EHF: variants seen among roughly 807,000 people sequenced by gnomAD.
EHF encodes the protein ESE3 transcription factor.
In EHF, 14 loss-of-function variants were observed where a neutral mutation model predicts 45.1. The observed-to-expected ratio is 0.31, with a 90% CI of 0.21 to 0.49. The LOEUF (loss-of-function observed/expected upper bound fraction) is 0.49, where lower values mean the gene tolerates loss of function less well. EHF is among the 20% of genes least tolerant of loss of function. The pLI is 0.99. For missense variants in EHF, 282 were observed against 371.4 expected (o/e 0.76, Z 1.98); for synonymous variants, 136 against 131.8 (o/e 1.03, Z -0.22).
intron 2 of EHF, 94 bp from the exon 3 acceptor site, chr11:34,646,345 T>A (rs1187771706): frequency 6.4e-7 from 1 of 1,560,252 alleles, no homozygotes; most frequent in Non-Finnish European, 8.7e-7. Flanking sequence ...GTTGTGTCTC[T>A]GAGATATCTG....
At chr11:34,643,068 ATGTGTGTGTG>A (rs780809590) in intron 2 of EHF, among the ~76,000 whole-genome samples, 12 of 144,974 alleles carry the variant, frequency 8.3e-5, no homozygotes, top group African/African-American at 2.0e-4. Flanking sequence ...GAGAAAGGGT[ATGTGTGTGTG>A]TGTGTGTGTG....
At chr11:34,643,584 G>T (rs953369718) in intron 2 of EHF, among the ~76,000 whole-genome samples, 1 of 152,206 alleles carries the variant, frequency 6.6e-6, no homozygotes, top group Non-Finnish European at 1.5e-5. Context: ...AGGATAATGG[G>T]AGAGTTATTC....
At chr11:34,636,192 T>G (rs575996094) in intron 1 of EHF, among the ~76,000 whole-genome samples, 1 of 152,374 alleles carries the variant, frequency 6.6e-6, no homozygotes, top group Admixed American at 6.5e-5. Flanking sequence ...ACTTACTATG[T>G]GTCATGCTTT....
At chr11:34,647,966 C>T (rs888358039) in intron 3 of EHF, among the ~76,000 whole-genome samples, 1 of 152,172 alleles carries the variant, frequency 6.6e-6, no homozygotes, top group South Asian at 2.1e-4. Context: ...AAAGCTTTGC[C>T]CTGATTGAGG....
intron 1 of EHF, among the ~76,000 whole-genome samples, chr11:34,627,755 T>A (rs979443891): frequency 6.6e-6 from 1 of 152,082 alleles, no homozygotes; most frequent in African/African-American, 2.4e-5. Flanking sequence ...TAAAAAAAAA[T>A]TGTCTTTATT....
In EHF at chr11:34,658,999, G is replaced by A. The variant is rs995843953; in HGVS notation, c.*68G>A. ...AATCAGAAACAAAGAACTCCTGGAC[G>A]TAAATATTTCAAAGACTACTTTTCT... On this transcript the variant is annotated 3_prime_UTR_variant, in exon 9 of 9. Coordinates refer to ENST00000257831, the MANE Select transcript of EHF (RefSeq NM_012153.6). 1.5e-5 allele frequency: 18 copies of A among 1,236,898 alleles called. No individual in the cohort carries two copies. The highest frequency in any genetic ancestry group is 5.7e-5 in the South Asian group (4 of 70,052). The allele number at this position is 1,236,898 out of a possible 1,614,324, so 76.6% of individuals were successfully genotyped here. A position where few individuals can be genotyped will look rare whatever the true frequency, so the allele number is the denominator to read the frequency against.
intron 1 of EHF, among the ~76,000 whole-genome samples, chr11:34,625,090 G>A (rs1424508169): frequency 6.6e-6 from 1 of 152,206 alleles, no homozygotes; most frequent in African/African-American, 2.4e-5. Flanking sequence ...AGAACAGGTG[G>A]GAGAAGCCTT....
chr11:34,659,003 A>T lies in EHF; in HGVS notation c.*72A>T. 3 of 1,201,742 alleles carry T rather than the reference A, an allele frequency of 2.5e-6. No homozygotes were observed. Among genetic ancestry groups the T allele is most frequent in the Non-Finnish European group, 1.2e-6 (1 of 851,942 alleles). 74.4% of individuals were successfully genotyped at this position (1,201,742 alleles called of 1,614,324 possible). On this transcript the variant is annotated 3_prime_UTR_variant, in exon 9 of 9. Transcript: ENST00000257831. ...AGAAACAAAGAACTCCTGGACGTAAATATTTCAAAGACTACTTTTCTCTGA... is the reference window on the plus strand; with the variant it reads ...AGAAACAAAGAACTCCTGGACGTAATTATTTCAAAGACTACTTTTCTCTGA...
chr11:34,642,302 A>G (rs1177581173), intron 1 of EHF: 9 of 145,838 alleles, frequency 6.2e-5, no homozygotes, highest in African/African-American at 3.3e-4. Flanking sequence ...AAAAAAAAAG[A>G]AAAAAAAAAA....
intron 1 of EHF, among the ~76,000 whole-genome samples, chr11:34,624,089 A>G (rs17292176): frequency 0.053 from 8,123 of 152,244 alleles, 330 homozygotes; most frequent in Admixed American, 0.14. Context: ...AAGGAACTCA[A>G]TCTAAAGCTT....
chr11:34,646,681 A>G lies in EHF; in HGVS notation c.340A>G (p.Asn114Asp). The change falls in exon 3 of 9, where the codon AAC becomes GAC. Residue 114 changes from asparagine (N) to aspartate (D), a missense_variant. Asn to Asp is a conservative substitution (Grantham distance 23). Transcript: ENST00000257831. ...LYSNLQHLKWNGQCSSDLFQS... is the reference protein window; with the variant it reads ...LYSNLQHLKWDGQCSSDLFQS... ...CAGCAACTTGCAGCATCTGAAGTGG[A>G]ACGGTGACTCTCTCTTTCTGTGTCT... 6.2e-7 allele frequency: 1 copy of G among 1,609,138 alleles called. No homozygotes were observed. Among genetic ancestry groups the G allele is most frequent in the Non-Finnish European group, 8.5e-7 (1 of 1,179,966 alleles).
At chr11:34,636,830 C>G (rs1447653591) in intron 1 of EHF, among the ~76,000 whole-genome samples, 1 of 152,042 alleles carries the variant, frequency 6.6e-6, no homozygotes, top group Non-Finnish European at 1.5e-5. Flanking sequence ...GTCAGGAGTT[C>G]GAGACCAGCC....
intron 2 of EHF, among the ~76,000 whole-genome samples, chr11:34,646,100 G>A (rs1034511376): frequency 1.3e-5 from 2 of 151,266 alleles, no homozygotes; most frequent in Admixed American, 1.3e-4. Context: ...GAGAGAGTGA[G>A]TGAGAGAGAA....
chr11:34,637,121 T>C (rs768389234), intron 1 of EHF, among the ~76,000 whole-genome samples: 4 of 151,992 alleles, frequency 2.6e-5, no homozygotes, highest in Non-Finnish European at 4.4e-5. Context: ...ACTCAGCTTT[T>C]AGTGGGATTC....
intron 1 of EHF, among the ~76,000 whole-genome samples, chr11:34,636,850 A>T (rs886679372): frequency 5.3e-5 from 8 of 152,110 alleles, no homozygotes; most frequent in Admixed American, 3.9e-4. Context: ...CTCAACATGG[A>T]GAAACCCAGT....
intron 6 of EHF, among the ~76,000 whole-genome samples, chr11:34,656,085 C>T (rs1855642218): frequency 6.6e-6 from 1 of 152,070 alleles, no homozygotes; most frequent in South Asian, 2.1e-4. Context: ...CACATATACA[C>T]ACACACACTC....
rs981723262 is a variant in EHF, at chr11:34,659,086, C to G, written c.*155C>G. Reference sequence around the variant, plus strand: ...CTTCTAACGGGAAGAAGAAACACTACGGTCGATTAAAAAAATTATTTTGTT... The same window carrying G: ...CTTCTAACGGGAAGAAGAAACACTAGGGTCGATTAAAAAAATTATTTTGTT... On this transcript the variant is annotated 3_prime_UTR_variant, in exon 9 of 9. Transcript: ENST00000257831. 1.6e-6 allele frequency: 1 copy of G among 612,718 alleles called. No homozygotes were observed. The highest frequency in any genetic ancestry group is 2.8e-6 in the Non-Finnish European group (1 of 362,732). The allele number at this position is 612,718 out of a possible 1,614,324, so 38.0% of individuals were successfully genotyped here. A position where few individuals can be genotyped will look rare whatever the true frequency, so the allele number is the denominator to read the frequency against.
rs750306616 is a variant in EHF, at chr11:34,658,923, G to T, written c.895G>T (p.Glu299Ter). ...GAATGCCCGAGGATGGAGAGAAAAT[G>T]AAAACTGAAGCTGCCAATACTTTGG... ...GKNARGWRENEN is the reference protein window; with the variant it reads ...GKNARGWREN Residue 299 changes from glutamate to a stop codon, truncating the protein, a stop_gained, in exon 9 of 9, where the codon GAA becomes TAA. Transcript: ENST00000257831. LOFTEE classifies it high-confidence loss of function. 1.2e-6 allele frequency: 2 copies of T among 1,612,110 alleles called. No homozygotes were observed. Among genetic ancestry groups the T allele is most frequent in the South Asian group, 2.2e-5 (2 of 90,900 alleles).
Position 34,656,979 on chromosome 11 carries a change from G to T in EHF, c.607+9G>T. The T allele has an allele frequency of 6.2e-7, 1 of 1,613,182 alleles. No homozygotes were observed. The highest frequency in any genetic ancestry group is 8.5e-7 in the Non-Finnish European group (1 of 1,179,564). On this transcript the variant is annotated intron_variant, in intron 7 of 8. Transcript: ENST00000257831. ...CCACACCAAAAAGCACAGTAAGTTG[G>T]CTGGCTTTCAGATGGCCTTTGGTCC...
Sources: allele counts gnomAD v4.1 joint callset (sites outside exome capture counted in the v4.1 genomes callset), GRCh38; gene constraint gnomAD v4.1.1; transcripts MANE v1.5; gene names NCBI Gene and HGNC (gene_info 2026-07-23, HGNC 2026-07-21).